Variants in MIA2 observed in about 807,000 individuals in gnomAD.
MIA2 encodes MIA SH3 domain ER export factor 2.
A neutral mutation model predicts 167.8 loss-of-function variants in MIA2; 127 were observed. The ratio of observed to expected loss-of-function variants is 0.76; its 90% CI spans 0.66 to 0.88. MIA2 has a LOEUF of 0.88. Among genes scored for constraint, MIA2 ranks in the 40% least tolerant of loss-of-function variants. The pLI is 0.00. For synonymous variants in MIA2, 552 were observed against 541.9 expected (o/e 1.02, Z -0.26); for missense variants, 1,690 against 1,624.7 (o/e 1.04, Z -0.69).
chr14:39,253,236 C>A lies in MIA2; in HGVS notation c.1887+65C>A, dbSNP rs61735732. ...ATTTTGCTAAATATAAGAGTGGCTA[C>A]AAAATATGTTTGAATGAATCCTCCC... is the stretch of plus-strand genomic sequence containing the variant. On this transcript the variant is annotated intron_variant, in intron 6 of 28. Transcript: ENST00000640607. The A allele has an allele frequency of 1.6e-3, 2,527 of 1,584,094 alleles. 39 individuals carry two copies. The African/African-American group carries it at 0.03, about 19-fold the overall frequency.
chr14:39,311,751 A>T (rs1272526872), intron 18 of MIA2, among the ~76,000 whole-genome samples: 1 of 149,390 alleles, frequency 6.7e-6, no homozygotes, highest in African/African-American at 2.5e-5. Context: ...TGGCCTTTCA[A>T]AGTGTGGGGA....
intron 13 of MIA2, among the ~76,000 whole-genome samples, chr14:39,297,344 G>T (rs902363226): frequency 6.6e-6 from 1 of 151,734 alleles, no homozygotes; most frequent in African/African-American, 2.4e-5. Context: ...TGCTTGCCTC[G>T]GCCTCCCAAA....
intron 25 of MIA2, among the ~76,000 whole-genome samples, chr14:39,331,148 G>C (rs1258863485): frequency 6.6e-6 from 1 of 151,972 alleles, no homozygotes; most frequent in Non-Finnish European, 1.5e-5. Context: ...CTCATGTATT[G>C]GGTGCATATA....
intron 9 of MIA2, among the ~76,000 whole-genome samples, chr14:39,285,408 G>T (rs1428648702): frequency 6.7e-6 from 1 of 149,020 alleles, no homozygotes; most frequent in African/African-American, 2.5e-5. Context: ...CGGAAGGGGC[G>T]GCTGGCCGGG....
intron 23 of MIA2, among the ~76,000 whole-genome samples, chr14:39,375,920 T>C (rs768649230): frequency 5.3e-5 from 8 of 152,202 alleles, no homozygotes; most frequent in Non-Finnish European, 1.0e-4. Context: ...AGTTATCTTT[T>C]TTTGGTAACC....
Position 39,317,965 on chromosome 14 carries a change from A to G in MIA2, c.3238A>G (p.Arg1080Gly). 1.9e-6 allele frequency: 3 copies of G among 1,583,920 alleles called. No individual in the cohort carries two copies. The highest frequency in any genetic ancestry group is 2.3e-5 in the East Asian group (1 of 43,488). The change falls in exon 22 of 29, where the codon AGA becomes GGA. Residue 1080 changes from arginine to glycine, a missense_variant. By Grantham distance (125) the Arg-to-Gly change is moderately radical (BLOSUM62 -2). Coordinates refer to ENST00000640607, the MANE Select transcript of MIA2 (RefSeq NM_001329214.4). ...DNWLAARNAE[R>G]NLNDLRKENA... Reference sequence around the variant, plus strand: ...CAAGTTGGCAGCTCGGAATGCTGAAAGAAACCTCAATGATTTAAGGAAAGA... The same window carrying G: ...CAAGTTGGCAGCTCGGAATGCTGAAGGAAACCTCAATGATTTAAGGAAAGA...
chr14:39,291,690 A>G (rs1454597620), intron 10 of MIA2, among the ~76,000 whole-genome samples: 1 of 152,202 alleles, frequency 6.6e-6, no homozygotes, highest in Non-Finnish European at 1.5e-5. Flanking sequence ...CAAGCTACCA[A>G]CATGATGTCA....
intron 3 of MIA2, among the ~76,000 whole-genome samples, chr14:39,244,530 A>C (rs578100936): frequency 1.3e-5 from 2 of 152,342 alleles, no homozygotes; most frequent in East Asian, 3.9e-4. Flanking sequence ...ACTAGACTGC[A>C]GTGCCAAGTA....
In MIA2 at chr14:39,347,778, A is replaced by G. The variant is rs767711400; in HGVS notation, c.3837+7A>G. On this transcript the variant is annotated splice_region_variant and intron_variant, in intron 27 of 28. Transcript: ENST00000640607. The stretch of plus-strand genomic sequence containing the variant: ...TACCAAAGATGATCTTGGTGTAAGT[A>G]TTGAAAGAGTGGAATTGTATGCATG... The G allele has an allele frequency of 2.7e-6, 4 of 1,493,668 alleles. No homozygotes were observed. The highest frequency in any genetic ancestry group is 2.3e-5 in the South Asian group (2 of 88,840). The allele number at this position is 1,493,668 out of a possible 1,614,324, so 92.5% of individuals were successfully genotyped here. A position where few individuals can be genotyped will look rare whatever the true frequency, so the allele number is the denominator to read the frequency against.
intron 23 of MIA2, chr14:39,386,026 A>G: frequency 1.9e-6 from 2 of 1,027,938 alleles, no homozygotes; most frequent in Admixed American, 1.9e-5. Flanking sequence ...CTGTCATGAC[A>G]ACTCTGGGCC....
intron 25 of MIA2, among the ~76,000 whole-genome samples, chr14:39,332,564 A>C (rs2069158733): frequency 6.6e-6 from 1 of 152,066 alleles, no homozygotes; most frequent in Non-Finnish European, 1.5e-5. Flanking sequence ...GTTTTTCCTC[A>C]TCTTCCTGGA....
chr14:39,331,844 T>G (rs1413442968), intron 25 of MIA2, among the ~76,000 whole-genome samples: 1 of 152,214 alleles, frequency 6.6e-6, no homozygotes, highest in Non-Finnish European at 1.5e-5. Flanking sequence ...TGGGCTTCCC[T>G]TTGTGGTTAA....
intron 6 of MIA2, chr14:39,266,736 C>T: frequency 3.0e-6 from 3 of 985,270 alleles, no homozygotes; most frequent in Non-Finnish European, 3.6e-6. Context: ...TCCCGGGGTA[C>T]GCCGCCGTCA....
In MIA2 at chr14:39,298,443, A is replaced by ATAT. The variant is rs1372100362; in HGVS notation, c.2497-1421_2497-1420insTAT. Among the ~76,000 whole-genome samples the ATAT allele has an allele frequency of 4.7e-3, 234 of 49,980 alleles. 28 individuals are homozygous for ATAT. Among genetic ancestry groups the ATAT allele is most frequent in the African/African-American group, 0.014 (152 of 10,662 alleles). The allele number at this position is 49,980 out of a possible 152,430, so 32.8% of individuals were successfully genotyped here. A position where few individuals can be genotyped will look rare whatever the true frequency, so the allele number is the denominator to read the frequency against. ...TATATATATATATATATATATATATAAAGATTAGTTTTTCATGTGTTCGGA... is the reference window on the plus strand; with the variant it reads ...TATATATATATATATATATATATATATATAAGATTAGTTTTTCATGTGTTCGGA... On this transcript the variant is annotated intron_variant, in intron 13 of 28. Coordinates refer to ENST00000640607, the MANE Select transcript of MIA2 (RefSeq NM_001329214.4).
chr14:39,320,999 A>C lies in MIA2; in HGVS notation c.3439A>C (p.Thr1147Pro), dbSNP rs755503232. 4.3e-6 allele frequency: 7 copies of C among 1,613,566 alleles called. No individual in the cohort carries two copies. The highest frequency in any genetic ancestry group is 5.1e-6 in the Non-Finnish European group (6 of 1,179,684). ...AACAAGAGCTTTTCTCTCTCCTCCA[A>C]CTTTGTTGGAGGGTCCACTCAGACT... is the stretch of plus-strand genomic sequence containing the variant. The part of the protein sequence containing the change: ...SETRAFLSPP[T>P]LLEGPLRLSP... Residue 1147 changes from threonine to proline, a missense_variant, in exon 24 of 29, where the codon ACT (threonine) becomes CCT (proline). Thr to Pro is a conservative substitution (Grantham distance 38). Transcript: ENST00000640607.
intron 6 of MIA2, among the ~76,000 whole-genome samples, chr14:39,259,004 A>G (rs11621264): frequency 0.27 from 41,144 of 152,124 alleles, 5,788 homozygotes; most frequent in East Asian, 0.5. Flanking sequence ...CTCCTGTATG[A>G]GGTGTCTGTT....
At chr14:39,241,316 G>A (rs1359051601) in intron 3 of MIA2, among the ~76,000 whole-genome samples, 1 of 152,136 alleles carries the variant, frequency 6.6e-6, no homozygotes, top group Non-Finnish European at 1.5e-5. Flanking sequence ...AGCGAGAAGT[G>A]AGTCTATCTA....
downstream of MIA2, among the ~76,000 whole-genome samples, chr14:39,352,579 G>T (rs960940597): frequency 1.3e-5 from 2 of 151,480 alleles, no homozygotes; most frequent in African/African-American, 4.8e-5. Flanking sequence ...CTGGTTCCAG[G>T]ACCCCCACAG....
intron 25 of MIA2, among the ~76,000 whole-genome samples, chr14:39,339,988 G>C (rs2071422850): frequency 6.6e-6 from 1 of 152,108 alleles, no homozygotes; most frequent in East Asian, 1.9e-4. Flanking sequence ...TGGGACTATA[G>C]GCATGCACCA....
Sources: gnomAD v4.1 joint callset for allele counts (sites outside exome capture counted in the v4.1 genomes callset) on GRCh38, gnomAD v4.1.1 for gene constraint, MANE v1.5 for transcripts, NCBI Gene and HGNC (gene_info 2026-07-23, HGNC 2026-07-21) for gene names.